CACNB2: variants seen among roughly 807,000 people sequenced by gnomAD.
CACNB2 encodes the protein calcium voltage-gated channel auxiliary subunit beta 2, also known as voltage-dependent L-type calcium channel subunit beta-2.
CACNB2 carries 42 observed loss-of-function variants against 73.3 expected under a neutral mutation model. The ratio of observed to expected loss-of-function variants is 0.57; its 90% CI spans 0.45 to 0.74. The LOEUF (loss-of-function observed/expected upper bound fraction) is 0.74, where lower values mean the gene tolerates loss of function less well. CACNB2 is among the 30% of genes least tolerant of loss of function. CACNB2 has a pLI of 0.00. For missense variants in CACNB2, 940 were observed against 853.0 expected (o/e 1.10, Z -1.27); for synonymous variants, 348 against 310.3 (o/e 1.12, Z -1.28).
intron 2 of CACNB2, among the ~76,000 whole-genome samples, chr10:18,211,486 T>C (rs2035314810): frequency 6.6e-6 from 1 of 152,190 alleles, no homozygotes; most frequent in Non-Finnish European, 1.5e-5. Context: ...GGTTTGTTTT[T>C]ATTGCCAATA....
chr10:18,391,382 G>C (rs2043461297), intron 2 of CACNB2, among the ~76,000 whole-genome samples: 1 of 152,208 alleles, frequency 6.6e-6, no homozygotes, highest in Non-Finnish European at 1.5e-5. Context: ...GATCGGGAGA[G>C]CTTTCTTGTA....
chr10:18,472,237 T>C (rs1048604637), intron 3 of CACNB2, among the ~76,000 whole-genome samples: 808 of 40,088 alleles, frequency 0.02, 20 homozygotes, highest in African/African-American at 0.069. Flanking sequence ...TTTTTTTTTT[T>C]TTTTTTTTTT....
chr10:18,303,727 T>C (rs1472878378), intron 2 of CACNB2, among the ~76,000 whole-genome samples: 1 of 152,134 alleles, frequency 6.6e-6, no homozygotes, highest in Non-Finnish European at 1.5e-5. Flanking sequence ...AGGCTGTCCT[T>C]GGGGGTGCGT....
intron 2 of CACNB2, among the ~76,000 whole-genome samples, chr10:18,335,798 C>T (rs2040981063): frequency 6.7e-6 from 1 of 149,992 alleles, no homozygotes; most frequent in Admixed American, 6.6e-5. Context: ...CACACACACA[C>T]ACACACACAC....
chr10:18,498,521 T>C, intron 4 of CACNB2, 44 bp downstream of exon 4: 1 of 1,599,200 alleles, frequency 6.3e-7, no homozygotes, highest in Non-Finnish European at 8.6e-7. Context: ...ATGTTTCACC[T>C]TGACATACCA....
intron 2 of CACNB2, among the ~76,000 whole-genome samples, chr10:18,272,770 G>A (rs575303714): frequency 7.9e-5 from 12 of 152,244 alleles, no homozygotes; most frequent in Admixed American, 5.9e-4. Flanking sequence ...TGAGGCCTCC[G>A]CAGCCATGAA....
At chr10:18,307,040 A>G (rs985675954) in intron 2 of CACNB2, among the ~76,000 whole-genome samples, 5 of 152,178 alleles carry the variant, frequency 3.3e-5, no homozygotes, top group African/African-American at 4.8e-5. Flanking sequence ...GACAAGGTCC[A>G]AGGGTAAAGG....
At chr10:18,467,095 A>G (rs2047933741) in intron 3 of CACNB2, among the ~76,000 whole-genome samples, 1 of 152,216 alleles carries the variant, frequency 6.6e-6, no homozygotes, top group African/African-American at 2.4e-5. Context: ...CGGAAGTTGC[A>G]GTGAGCCAAG....
chr10:18,192,327 C>T (rs2034440181), intron 2 of CACNB2, among the ~76,000 whole-genome samples: 1 of 151,936 alleles, frequency 6.6e-6, no homozygotes, highest in African/African-American at 2.4e-5. Flanking sequence ...ATGTAACATA[C>T]AATTAATCAT....
intron 6 of CACNB2, among the ~76,000 whole-genome samples, chr10:18,508,644 C>T (rs1283720657): frequency 6.6e-6 from 1 of 152,158 alleles, no homozygotes; most frequent in African/African-American, 2.4e-5. Context: ...GTTTTGGCAA[C>T]ACAGATGCTC....
intron 2 of CACNB2, among the ~76,000 whole-genome samples, chr10:18,396,888 T>A (rs999455196): frequency 6.6e-6 from 1 of 152,200 alleles, no homozygotes; most frequent in Non-Finnish European, 1.5e-5. Flanking sequence ...TTTGATGAGT[T>A]ATAGCTTTGT....
intron 2 of CACNB2, among the ~76,000 whole-genome samples, chr10:18,390,169 G>C (rs12246139): frequency 6.7e-6 from 1 of 149,244 alleles, no homozygotes. Context: ...TGATTGTTTC[G>C]CTGCTCAAGA....
chr10:18,238,911 TA>T (rs2036546683), intron 2 of CACNB2, among the ~76,000 whole-genome samples: 1 of 152,254 alleles, frequency 6.6e-6, no homozygotes, highest in Non-Finnish European at 1.5e-5. Flanking sequence ...CGATTATTTC[TA>T]AACTCCTACA....
rs190853480 is a variant in CACNB2 at position 18,187,717 on chromosome 10, A to G, written c.213+36742A>G. Among the ~76,000 whole-genome samples the G allele has an allele frequency of 1.0e-3, 158 of 152,314 alleles. 1 individual carries two copies. The highest frequency in any genetic ancestry group is 3.7e-3 in the African/African-American group (155 of 41,566). ...AATAAAATGAATTATCTTTGTTTCA[A>G]GCTGTTCTTCTAGTACATTCAGTTA... On this transcript the variant is annotated intron_variant, in intron 2 of 13. Transcript: ENST00000324631.
At chr10:18,155,635 T>C (rs75142769) in intron 2 of CACNB2, among the ~76,000 whole-genome samples, 1 of 152,248 alleles carries the variant, frequency 6.6e-6, no homozygotes, top group South Asian at 2.1e-4. Flanking sequence ...CATGAAACAG[T>C]TTTCCAAGAT....
chr10:18,356,318 C>G (rs1479723307), intron 2 of CACNB2, among the ~76,000 whole-genome samples: 3 of 152,204 alleles, frequency 2.0e-5, no homozygotes, highest in Non-Finnish European at 4.4e-5. Flanking sequence ...CTGTCTATAC[C>G]CTGTGCTCTG....
chr10:18,361,609 A>G (rs2042143279), intron 2 of CACNB2, among the ~76,000 whole-genome samples: 1 of 141,304 alleles, frequency 7.1e-6, no homozygotes, highest in Non-Finnish European at 1.6e-5. Flanking sequence ...CTAAGGTAAA[A>G]TTCTTTTTTT....
rs558447464 is a variant in CACNB2 at position 18,489,981 on chromosome 10, G to A, written c.334-8374G>A. 2.6e-5 allele frequency among the ~76,000 whole-genome samples: 4 copies of A among 152,146 alleles called. No individual in the cohort carries two copies. In the East Asian group the frequency reaches 5.8e-4, roughly 22 times the overall value. ...CACCCTTGACCTCCTGGGCTCAAGC[G>A]ATCCTCCCACCTCAGCCTCTTGAGT... is the stretch of plus-strand genomic sequence containing the variant. On this transcript the variant is annotated intron_variant, in intron 3 of 13. Transcript: ENST00000324631.
At chr10:18,228,233 G>A (rs2036078216) in intron 2 of CACNB2, among the ~76,000 whole-genome samples, 1 of 151,810 alleles carries the variant, frequency 6.6e-6, no homozygotes, top group South Asian at 2.1e-4. Flanking sequence ...AGACCAGCGT[G>A]GTCAACATGG....
Sources: gnomAD v4.1 joint callset for allele counts (sites outside exome capture counted in the v4.1 genomes callset) on GRCh38, gnomAD v4.1.1 for gene constraint, MANE v1.5 for transcripts, NCBI Gene and HGNC (gene_info 2026-07-23, HGNC 2026-07-21) for gene names.